The following ZNF277 variants were observed in gnomAD, a reference collection of about 807,000 sequenced individuals.
ZNF277 encodes the protein zinc finger protein 277.
A neutral mutation model predicts 60.7 loss-of-function variants in ZNF277; 55 were observed. That is an observed-to-expected ratio of 0.91 (90% CI 0.73 to 1.13). The LOEUF (loss-of-function observed/expected upper bound fraction) is 1.13, where lower values mean the gene tolerates loss of function less well. Among genes scored for constraint, ZNF277 ranks in the 50% most tolerant of loss-of-function variants. The pLI is 0.00. For missense variants in ZNF277, 510 were observed against 523.0 expected (o/e 0.98, Z 0.24); for synonymous variants, 178 against 179.3 (o/e 0.99, Z 0.06).
intron 4 of ZNF277, among the ~76,000 whole-genome samples, chr7:112,314,398 G>A (rs993694221): frequency 1.3e-5 from 2 of 152,090 alleles, no homozygotes; most frequent in African/African-American, 2.4e-5. Context: ...GTTCAGAACC[G>A]CTATTGAGAA....
chr7:112,299,211 C>G (rs570033976), intron 4 of ZNF277, among the ~76,000 whole-genome samples: 2 of 151,946 alleles, frequency 1.3e-5, no homozygotes, highest in Non-Finnish European at 2.9e-5. Context: ...CTTCTGTGGG[C>G]GTTAGCAATG....
intron 4 of ZNF277, among the ~76,000 whole-genome samples, chr7:112,307,010 C>T (rs2117094220): frequency 6.6e-6 from 1 of 152,192 alleles, no homozygotes; most frequent in African/African-American, 2.4e-5. Context: ...CCATCCCCAG[C>T]AGTAGCCAAC....
intron 5 of ZNF277, among the ~76,000 whole-genome samples, chr7:112,321,724 T>A (rs1384632981): frequency 6.6e-6 from 1 of 152,122 alleles, no homozygotes; most frequent in Admixed American, 6.6e-5. Flanking sequence ...TTTTCTTCCA[T>A]CATTTTTTTG....
At chr7:112,270,003 A>T (rs756260723) in intron 1 of ZNF277, among the ~76,000 whole-genome samples, 3 of 152,120 alleles carry the variant, frequency 2.0e-5, no homozygotes, top group Non-Finnish European at 4.4e-5. Flanking sequence ...CTAGGGACAG[A>T]TCGTTCAAAA....
intron 1 of ZNF277, among the ~76,000 whole-genome samples, chr7:112,254,927 C>T (rs530621639): frequency 1.3e-5 from 2 of 152,084 alleles, no homozygotes; most frequent in South Asian, 4.1e-4. Flanking sequence ...GAGCTGAGAT[C>T]GCGCCACTGT....
chr7:112,309,601 A>G (rs1014171510), intron 4 of ZNF277, among the ~76,000 whole-genome samples: 2 of 151,854 alleles, frequency 1.3e-5, no homozygotes. Flanking sequence ...AATCCTAAGT[A>G]TATTGTCCAT....
In ZNF277 at chr7:112,338,624, T is replaced by C. The variant is rs931659353; in HGVS notation, c.966+798T>C. On this transcript the variant is annotated intron_variant, in intron 9 of 11. Transcript: ENST00000361822. Reference sequence around the variant, plus strand: ...CACCCTTATTCAGAAATACTGTTCTTAGTTTAGTAAAATAAGGGCCTAGAA... The same window carrying C: ...CACCCTTATTCAGAAATACTGTTCTCAGTTTAGTAAAATAAGGGCCTAGAA... Among the ~76,000 whole-genome samples the C allele has an allele frequency of 1.1e-4, 17 of 152,244 alleles. No individual in the cohort carries two copies. In the East Asian group the frequency reaches 2.9e-3, roughly 26 times the overall value.
intron 5 of ZNF277, among the ~76,000 whole-genome samples, chr7:112,322,982 T>C (rs1793017783): frequency 6.6e-6 from 1 of 151,622 alleles, no homozygotes; most frequent in Admixed American, 6.6e-5. Flanking sequence ...GTTAGCTTAG[T>C]GTTCAGATAA....
At chr7:112,275,642 C>CATTTATTTTCTCTTCCTAGT (rs1437044477) in intron 1 of ZNF277, among the ~76,000 whole-genome samples, 1 of 151,880 alleles carries the variant, frequency 6.6e-6, no homozygotes, top group Admixed American at 6.6e-5. Context: ...GTTTTTAATC[C>CATTTATTTTCTCTTCCTAGT]ATTTATTTTC....
intron 1 of ZNF277, among the ~76,000 whole-genome samples, chr7:112,257,118 G>A (rs1791331883): frequency 6.6e-6 from 1 of 152,180 alleles, no homozygotes; most frequent in South Asian, 2.1e-4. Context: ...CAAACATTGT[G>A]TATTGATGAC....
intron 1 of ZNF277, among the ~76,000 whole-genome samples, chr7:112,245,417 T>C (rs1413785635): frequency 6.6e-6 from 1 of 152,192 alleles, no homozygotes; most frequent in African/African-American, 2.4e-5. Flanking sequence ...TTCTAGGCCA[T>C]TGCAAGGGAG....
intron 1 of ZNF277, among the ~76,000 whole-genome samples, chr7:112,251,225 T>A (rs1242290898): frequency 3.9e-5 from 6 of 152,176 alleles, no homozygotes. Context: ...TGTGCTAAAT[T>A]TAATGATTTT....
intron 2 of ZNF277, among the ~76,000 whole-genome samples, chr7:112,292,505 AC>A (rs1256226664): frequency 6.6e-6 from 1 of 152,060 alleles, no homozygotes; most frequent in Non-Finnish European, 1.5e-5. Flanking sequence ...ATTCTATGTG[AC>A]CTCATTGGTC....
chr7:112,278,515 G>C lies in ZNF277; in HGVS notation c.92-8358G>C, dbSNP rs185659973. On this transcript the variant is annotated intron_variant, in intron 1 of 11. Transcript: ENST00000361822. ...TAGGAACTAACCTATAATTGACCATGTGTGTCAGACACTCATGTGCTTTAC... is the reference window on the plus strand; with the variant it reads ...TAGGAACTAACCTATAATTGACCATCTGTGTCAGACACTCATGTGCTTTAC... Among the ~76,000 whole-genome samples the C allele has an allele frequency of 2.6e-5, 4 of 152,264 alleles. No homozygotes were observed. In the East Asian group the frequency reaches 7.7e-4, roughly 29 times the overall value.
Position 112,286,996 on chromosome 7 carries a change from A to G in ZNF277, c.215A>G (p.Gln72Arg). Residue 72 changes from glutamine to arginine, a missense_variant, in exon 2 of 12, where the codon CAA becomes CGA. Gln to Arg is a conservative substitution (Grantham distance 43). Coordinates refer to ENST00000361822, the MANE Select transcript of ZNF277 (RefSeq NM_021994.3). ...FCEEHFPVAE[Q>R]DKLLKHMIIE... ...GAAGAACATTTTCCTGTGGCTGAAC[A>G]AGACAAACTTCTGAAGCACATGATT... 2 of 1,614,142 alleles carry G rather than the reference A, an allele frequency of 1.2e-6. No homozygotes were observed. Among genetic ancestry groups the G allele is most frequent in the Non-Finnish European group, 1.7e-6 (2 of 1,180,022 alleles).
At chr7:112,283,502 A>G (rs1236019892) in intron 1 of ZNF277, among the ~76,000 whole-genome samples, 1 of 152,178 alleles carries the variant, frequency 6.6e-6, no homozygotes, top group Non-Finnish European at 1.5e-5. Context: ...TAGCCTGGGC[A>G]ACAGAGTGAG....
chr7:112,213,692 C>A (rs1373078560), intron 1 of ZNF277, among the ~76,000 whole-genome samples: 1 of 152,194 alleles, frequency 6.6e-6, no homozygotes, highest in Non-Finnish European at 1.5e-5. Flanking sequence ...TTATCCTATG[C>A]ACGGTTGTAA....
rs1425248432 is a variant in ZNF277, at chr7:112,206,776, C to T, written c.60C>T (p.Ser20=). ...GAATGCAGGAAGACCGTGATGGGAG[C>T]TGCAGCACAGTCGGGGGTGTAGGTT... ...VARMQEDRDG[S]CSTVGGVGYG... Residue 20 remains serine, a synonymous_variant, in exon 1 of 12, where the codon AGC becomes AGT. Coordinates refer to ENST00000361822, the MANE Select transcript of ZNF277 (RefSeq NM_021994.3). 2.5e-5 allele frequency: 40 copies of T among 1,613,234 alleles called. No individual in the cohort carries two copies. Among genetic ancestry groups the T allele is most frequent in the Non-Finnish European group, 3.4e-5 (40 of 1,179,722 alleles).
At position 112,279,244 on chromosome 7, in the gene ZNF277, C is replaced by T. The variant is rs112428609; in HGVS notation, c.92-7629C>T. On this transcript the variant is annotated intron_variant, in intron 1 of 11. Coordinates refer to ENST00000361822, the MANE Select transcript of ZNF277 (RefSeq NM_021994.3). ...GGGGTGGCTGGCTCATATGATAGTT[C>T]TATTTTTAATTTTTTGAAGAACCTC... Among the ~76,000 whole-genome samples, 48 of 152,218 alleles carry T rather than the reference C, an allele frequency of 3.2e-4. 1 individual carries two copies. The South Asian group carries it at 7.5e-3, about 24-fold the overall frequency.
Sources: gnomAD v4.1 joint callset for allele counts (sites outside exome capture counted in the v4.1 genomes callset) on GRCh38, gnomAD v4.1.1 for gene constraint, MANE v1.5 for transcripts, NCBI Gene and HGNC (gene_info 2026-07-23, HGNC 2026-07-21) for gene names.